Variants in PKN2 observed in about 807,000 individuals in gnomAD.
PKN2 encodes the protein serine/threonine-protein kinase N2.
Under a neutral mutation model 119.1 loss-of-function variants are expected in PKN2, and 38 were observed. The observed-to-expected ratio is 0.32, with a 90% CI of 0.25 to 0.42. The LOEUF (loss-of-function observed/expected upper bound fraction) is 0.42, where lower values mean the gene tolerates loss of function less well. Among genes scored for constraint, PKN2 ranks in the 10% least tolerant of loss-of-function variants. The probability of loss-of-function intolerance (pLI) is 1.00; values close to 1 mark genes in which losing one functional copy is unlikely to be tolerated. For missense variants in PKN2, 850 were observed against 1,165.1 expected (o/e 0.73, Z 3.94); for synonymous variants, 390 against 384.9 (o/e 1.01, Z -0.15).
At chr1:88,751,445 A>C (rs537296960) in intron 2 of PKN2, among the ~76,000 whole-genome samples, 1 of 152,140 alleles carries the variant, frequency 6.6e-6, no homozygotes, top group East Asian at 1.9e-4. Context: ...TGCCACTTGT[A>C]CACAGGGTTG....
At chr1:88,720,874 G>A (rs557384935) in intron 1 of PKN2, among the ~76,000 whole-genome samples, 2 of 152,222 alleles carry the variant, frequency 1.3e-5, no homozygotes, top group South Asian at 4.1e-4. Flanking sequence ...GAGAACATAT[G>A]ATGTTTGATT....
chr1:88,718,210 C>T (rs1289140363), intron 1 of PKN2, among the ~76,000 whole-genome samples: 1 of 152,194 alleles, frequency 6.6e-6, no homozygotes, highest in Non-Finnish European at 1.5e-5. Flanking sequence ...GGGGCACCCA[C>T]CTCTATGAGG....
chr1:88,770,203 T>C (rs1252364287), intron 3 of PKN2, 149 bp from the exon 4 acceptor site: 4 of 475,852 alleles, frequency 8.4e-6, no homozygotes, highest in African/African-American at 5.8e-5. Flanking sequence ...TTTTAGTAAA[T>C]GTATCTATAA....
In PKN2 at chr1:88,807,550, T is replaced by C; in HGVS notation, c.1956T>C (p.Phe652=). The change falls in exon 14 of 22, where the codon TTT becomes TTC. Residue 652 remains phenylalanine, a synonymous_variant. Coordinates refer to ENST00000370521, the MANE Select transcript of PKN2 (RefSeq NM_006256.4). ...EDRRSQQRFQ[F]NLQDFRCCAV... ...TCAGATCTCAGCAAAGGTTTCAGTT[T>C]AATCTACAAGATTTCAGGTGTTGTG... The C allele has an allele frequency of 5.6e-6, 9 of 1,612,074 alleles. No homozygotes were observed. Among genetic ancestry groups the C allele is most frequent in the Non-Finnish European group, 7.6e-6 (9 of 1,178,598 alleles).
chr1:88,790,384 G>T (rs986437958), intron 8 of PKN2, among the ~76,000 whole-genome samples: 2 of 152,062 alleles, frequency 1.3e-5, no homozygotes, highest in African/African-American at 4.8e-5. Flanking sequence ...CTTTTAGGTT[G>T]GTGCAAAAGT....
chr1:88,760,311 A>G lies in PKN2; in HGVS notation c.439A>G (p.Ile147Val). The G allele has an allele frequency of 1.9e-6, 3 of 1,564,604 alleles. No homozygotes were observed. The highest frequency in any genetic ancestry group is 2.6e-6 in the Non-Finnish European group (3 of 1,136,588). The part of the protein sequence containing the change: ...RLKALQKQLD[I>V]ELKVKQGAEN... ...GAAGGCCTTACAAAAACAATTGGATATAGAACTTAAAGTAAAACAAGGTGC... is the reference window on the plus strand; with the variant it reads ...GAAGGCCTTACAAAAACAATTGGATGTAGAACTTAAAGTAAAACAAGGTGC... Residue 147 changes from isoleucine to valine, a missense_variant, in exon 3 of 22, where the codon ATA becomes GTA. Physicochemically the swap from Ile to Val is conservative, Grantham distance 29. Transcript: ENST00000370521.
chr1:88,735,836 A>G (rs1319349137), intron 1 of PKN2, among the ~76,000 whole-genome samples: 2 of 151,818 alleles, frequency 1.3e-5, no homozygotes, highest in East Asian at 3.9e-4. Context: ...CTGATTGGTA[A>G]CCTTTGACCT....
chr1:88,734,177 A>T (rs900089716), intron 1 of PKN2, among the ~76,000 whole-genome samples: 3 of 151,054 alleles, frequency 2.0e-5, no homozygotes, highest in African/African-American at 2.4e-5. Flanking sequence ...AAAAAAAAAA[A>T]TTTGGAGCGT....
intron 1 of PKN2, among the ~76,000 whole-genome samples, chr1:88,707,038 G>GT (rs1161229601): frequency 2.0e-5 from 3 of 151,388 alleles, no homozygotes; most frequent in Non-Finnish European, 4.4e-5. Context: ...AGCTGGGAGG[G>GT]TAAATCTGCC....
intron 15 of PKN2, among the ~76,000 whole-genome samples, chr1:88,809,656 G>C (rs1263971308): frequency 6.6e-6 from 1 of 152,164 alleles, no homozygotes; most frequent in East Asian, 1.9e-4. Flanking sequence ...GGGTCTCACT[G>C]TGTCACCCAC....
chr1:88,724,789 G>T (rs1382762907), intron 1 of PKN2, among the ~76,000 whole-genome samples: 1 of 151,060 alleles, frequency 6.6e-6, no homozygotes, highest in Non-Finnish European at 1.5e-5. Context: ...GGCCAGGTGG[G>T]TCTTGAACTC....
At chr1:88,709,395 T>C (rs1286724958) in intron 1 of PKN2, among the ~76,000 whole-genome samples, 1 of 152,108 alleles carries the variant, frequency 6.6e-6, no homozygotes, top group African/African-American at 2.4e-5. Context: ...TCTTCTCTCA[T>C]GAACCTTAAA....
intron 15 of PKN2, among the ~76,000 whole-genome samples, chr1:88,809,930 T>G (rs1671712223): frequency 6.6e-6 from 1 of 151,938 alleles, no homozygotes; most frequent in Admixed American, 6.6e-5. Flanking sequence ...ATCTCCACTT[T>G]TCAGTAACAT....
intron 1 of PKN2, among the ~76,000 whole-genome samples, chr1:88,715,581 G>A (rs1667414192): frequency 6.6e-6 from 1 of 152,154 alleles, no homozygotes; most frequent in Non-Finnish European, 1.5e-5. Flanking sequence ...TTCTCTGATG[G>A]TAGTTTGTAT....
intron 15 of PKN2, among the ~76,000 whole-genome samples, chr1:88,809,381 T>A (rs962318978): frequency 6.6e-6 from 1 of 152,216 alleles, no homozygotes; most frequent in Non-Finnish European, 1.5e-5. Flanking sequence ...TCAAATGTTT[T>A]CCTTTCCTGA....
At chr1:88,699,570 T>A (rs1485329256) in intron 1 of PKN2, among the ~76,000 whole-genome samples, 2 of 152,110 alleles carry the variant, frequency 1.3e-5, no homozygotes, top group African/African-American at 4.8e-5. Context: ...ATGCTCTCCC[T>A]GCTGTCATCC....
chr1:88,774,016 C>G (rs1031799490), intron 6 of PKN2, among the ~76,000 whole-genome samples: 1 of 152,110 alleles, frequency 6.6e-6, no homozygotes, highest in African/African-American at 2.4e-5. Context: ...CAGTAATTTG[C>G]AGGAACAAAT....
chr1:88,717,431 C>T (rs1667499835), intron 1 of PKN2, among the ~76,000 whole-genome samples: 1 of 152,146 alleles, frequency 6.6e-6, no homozygotes, highest in Non-Finnish European at 1.5e-5. Flanking sequence ...TTCAGGTACA[C>T]CAATCAGACG....
intron 2 of PKN2, among the ~76,000 whole-genome samples, chr1:88,750,138 A>G (rs1482371321): frequency 6.6e-6 from 1 of 152,200 alleles, no homozygotes; most frequent in East Asian, 1.9e-4. Flanking sequence ...GTATTTTGAT[A>G]GCTTGAGAAA....
Sources: allele counts gnomAD v4.1 joint callset (sites outside exome capture counted in the v4.1 genomes callset), GRCh38; gene constraint gnomAD v4.1.1; transcripts MANE v1.5; gene names NCBI Gene and HGNC (gene_info 2026-07-23, HGNC 2026-07-21).